The following EREG variants were observed in gnomAD, a reference collection of about 807,000 sequenced individuals.
EREG encodes proepiregulin.
In EREG, 23 loss-of-function variants were observed where a neutral mutation model predicts 22.4. The observed-to-expected ratio is 1.03, with a 90% confidence interval of 0.74 to 1.46. The LOEUF (loss-of-function observed/expected upper bound fraction) is 1.46. EREG is among the 40% of genes most tolerant of loss of function. The pLI is 0.00. For synonymous variants in EREG, 100 were observed against 75.4 expected (o/e 1.33, Z -1.69); for missense variants, 226 against 205.9 (o/e 1.10, Z -0.60).
At chr4:74,367,269 A>T (rs1752202002) in intron 1 of EREG, among the ~76,000 whole-genome samples, 1 of 152,186 alleles carries the variant, frequency 6.6e-6, no homozygotes, top group Non-Finnish European at 1.5e-5. Context: ...TAAATTGGGG[A>T]ACTGTGACCC....
At chr4:74,379,931 CTT>C (rs1055725874) in intron 2 of EREG, among the ~76,000 whole-genome samples, 57 of 152,306 alleles carry the variant, frequency 3.7e-4, no homozygotes, top group African/African-American at 1.3e-3. Context: ...CTCTCTCTCT[CTT>C]TGTAAGAAGA....
Position 74,382,790 on chromosome 4 carries a change from A to T in EREG, c.424A>T (p.Arg142Ter), listed in dbSNP as rs1752501047. 1 of 1,611,514 alleles carries T rather than the reference A, an allele frequency of 6.2e-7. No individual in the cohort carries two copies. The highest frequency in any genetic ancestry group is 1.3e-5 in the African/African-American group (1 of 74,808). Residue 142 changes from arginine (R) to a stop codon, truncating the protein, a stop_gained, in exon 4 of 5, where the codon AGA becomes TGA. Transcript: ENST00000244869. LOFTEE classifies it high-confidence loss of function. ...TVVGSTYYFC[R>*]WYRNRKSKEP... ...CGTCGGTTCCACATATTATTTCTGCAGATGGTAAGTCAGTGTGGTTTTATA... is the reference window on the plus strand; with the variant it reads ...CGTCGGTTCCACATATTATTTCTGCTGATGGTAAGTCAGTGTGGTTTTATA...
At position 74,386,134 on chromosome 4, in the gene EREG, G is replaced by A. The variant is rs148783924; in HGVS notation, c.*1326G>A. The A allele has an allele frequency of 1.1e-5, 3 of 264,912 alleles. No homozygotes were observed. The highest frequency in any genetic ancestry group is 6.5e-5 in the African/African-American group (3 of 45,890). The allele number at this position is 264,912 out of a possible 1,614,324, so 16.4% of individuals were successfully genotyped here. A position where few individuals can be genotyped will look rare whatever the true frequency, so the allele number is the denominator to read the frequency against. On this transcript the variant is annotated 3_prime_UTR_variant, in exon 5 of 5. Transcript: ENST00000244869. ...TTAATAGGAGTATTTTTGGGCTATT[G>A]CATAAGGAGCCACTGCTGCCACCAC...
At chr4:74,367,289 T>C (rs750468890) in intron 1 of EREG, among the ~76,000 whole-genome samples, 6 of 152,214 alleles carry the variant, frequency 3.9e-5, no homozygotes, top group African/African-American at 4.8e-5. Flanking sequence ...CAAGTTCACA[T>C]AGAAAAATAG....
At position 74,384,905 on chromosome 4, in the gene EREG, G is replaced by T; in HGVS notation, c.*97G>T. The T allele has an allele frequency of 1.5e-6, 1 of 659,234 alleles. No homozygotes were observed. The highest frequency in any genetic ancestry group is 1.8e-5 in the African/African-American group (1 of 54,774). The allele number at this position is 659,234 out of a possible 1,614,324, so 40.8% of individuals were successfully genotyped here. On this transcript the variant is annotated 3_prime_UTR_variant, in exon 5 of 5. Coordinates refer to ENST00000244869, the MANE Select transcript of EREG (RefSeq NM_001432.3). ...AATATTTATGTTGGGTCAAGTGTTA[G>T]GTCAATAACACTGTATTTTAATGTA... is the stretch of plus-strand genomic sequence containing the variant.
intron 1 of EREG, among the ~76,000 whole-genome samples, chr4:74,371,855 C>G (rs1752296337): frequency 6.7e-6 from 1 of 148,330 alleles, no homozygotes; most frequent in African/African-American, 2.6e-5. Context: ...GCAGCATTCT[C>G]TGTTTTTTTT....
Position 74,388,149 on chromosome 4 carries a change from C to A in EREG, c.*3341C>A, listed in dbSNP as rs1752602977. ...GCAAATATATGATTCTAGTGTCTGA[C>A]TTTTGTTAAATTCAGTAATGCAGTT... On this transcript the variant is annotated 3_prime_UTR_variant, in exon 5 of 5. Transcript: ENST00000244869. 1 of 152,122 alleles carries A rather than the reference C, an allele frequency of 6.6e-6. No individual in the cohort carries two copies. Among genetic ancestry groups the A allele is most frequent in the African/African-American group, 2.4e-5 (1 of 41,422 alleles). The allele number at this position is 152,122 out of a possible 1,614,324, so 9.4% of individuals were successfully genotyped here.
chr4:74,378,170 G>A (rs370131089), intron 1 of EREG, among the ~76,000 whole-genome samples: 2 of 152,006 alleles, frequency 1.3e-5, no homozygotes, highest in East Asian at 3.9e-4. Flanking sequence ...TGGTTCATCT[G>A]GCATGCCTAT....
intron 2 of EREG, among the ~76,000 whole-genome samples, 154 bp from the exon 3 acceptor site, chr4:74,380,860 C>T (rs936097240): frequency 1.6e-4 from 24 of 152,300 alleles, no homozygotes; most frequent in African/African-American, 4.8e-4. Context: ...GGGGGTGTGA[C>T]AACTAGAGTG....
Position 74,382,630 on chromosome 4 carries a change from C to T in EREG, c.279-15C>T, listed in dbSNP as rs774674358. ...TTAAGTAACTGATCTTTCTTTCTTC[C>T]GTATTTTCCTTCAGGTGTGAAGTGG... On this transcript the variant is annotated splice_polypyrimidine_tract_variant and intron_variant, in intron 3 of 4. Transcript: ENST00000244869. The T allele has an allele frequency of 4.5e-6, 7 of 1,555,428 alleles. No individual in the cohort carries two copies. In the Admixed American group the frequency reaches 6.1e-5, roughly 14 times the overall value.
At chr4:74,377,158 G>GAAA (rs57339854) in intron 1 of EREG, among the ~76,000 whole-genome samples, 5 of 78,100 alleles carry the variant, frequency 6.4e-5, no homozygotes, top group Admixed American at 1.4e-4. Flanking sequence ...AGCCATTTCA[G>GAAA]AAAAAAAAAA....
intron 1 of EREG, among the ~76,000 whole-genome samples, chr4:74,373,677 T>A (rs932614743): frequency 3.4e-5 from 5 of 148,076 alleles, no homozygotes; most frequent in Admixed American, 2.0e-4. Flanking sequence ...TCATATATAT[T>A]TATATATAAG....
At chr4:74,373,309 C>T (rs1752324738) in intron 1 of EREG, among the ~76,000 whole-genome samples, 1 of 151,840 alleles carries the variant, frequency 6.6e-6, no homozygotes, top group Non-Finnish European at 1.5e-5. Context: ...AAATGACTAC[C>T]TAAATTGGAA....
At chr4:74,380,522 T>A (rs748690491) in intron 2 of EREG, among the ~76,000 whole-genome samples, 2 of 152,162 alleles carry the variant, frequency 1.3e-5, no homozygotes, top group Non-Finnish European at 2.9e-5. Flanking sequence ...AATGGTAACC[T>A]CAGCAACTTG....
At chr4:74,373,388 T>G (rs1047579798) in intron 1 of EREG, among the ~76,000 whole-genome samples, 3 of 152,022 alleles carry the variant, frequency 2.0e-5, no homozygotes, top group Admixed American at 1.3e-4. Flanking sequence ...TCAAGGAAGA[T>G]TCTATGGCTA....
At chr4:74,378,463 T>C (rs1018614432) in intron 1 of EREG, among the ~76,000 whole-genome samples, 1 of 152,156 alleles carries the variant, frequency 6.6e-6, no homozygotes, top group African/African-American at 2.4e-5. Flanking sequence ...TCAAACAAAA[T>C]ATGTCTAATT....
chr4:74,388,107 A>G lies in EREG; in HGVS notation c.*3299A>G, dbSNP rs1263685282. 6.6e-6 allele frequency: 1 copy of G among 152,226 alleles called. No homozygotes were observed. Among genetic ancestry groups the G allele is most frequent in the Non-Finnish European group, 1.5e-5 (1 of 68,040 alleles). The allele number at this position is 152,226 out of a possible 1,614,324, so 9.4% of individuals were successfully genotyped here. A position where few individuals can be genotyped will look rare whatever the true frequency, so the allele number is the denominator to read the frequency against. On this transcript the variant is annotated 3_prime_UTR_variant, in exon 5 of 5. Coordinates refer to ENST00000244869, the MANE Select transcript of EREG (RefSeq NM_001432.3). The stretch of plus-strand genomic sequence containing the variant: ...CTAAATTCAATCACCACCAGGTATC[A>G]AATCAACTTTTATGCAGCAAATATA...
rs944516102 is a variant in EREG, at chr4:74,385,964, T to C, written c.*1156T>C. The C allele has an allele frequency of 1.0e-5, 4 of 386,828 alleles. No individual in the cohort carries two copies. The Admixed American group carries it at 1.3e-4, about 13-fold the overall frequency. The allele number at this position is 386,828 out of a possible 1,614,324, so 24.0% of individuals were successfully genotyped here. On this transcript the variant is annotated 3_prime_UTR_variant, in exon 5 of 5. Transcript: ENST00000244869. ...TATTTTTCCAAATGAAAAATCTCAA[T>C]TGAAAGCTTTTAAAATGTAGAAACT... is the stretch of plus-strand genomic sequence containing the variant.
intron 2 of EREG, 131 bp downstream of exon 2, chr4:74,379,665 T>C (rs1357885833): frequency 7.3e-6 from 4 of 549,870 alleles, no homozygotes; most frequent in Non-Finnish European, 1.3e-5. Context: ...ACTTTTTAAA[T>C]CACCATATAA....
Sources: allele counts gnomAD v4.1 joint callset (sites outside exome capture counted in the v4.1 genomes callset), GRCh38; gene constraint gnomAD v4.1.1; transcripts MANE v1.5; gene names NCBI Gene and HGNC (gene_info 2026-07-23, HGNC 2026-07-21).